PRR16: variants seen among roughly 807,000 people sequenced by gnomAD.
The protein encoded by PRR16 is proline rich 16.
Under a neutral mutation model 18.2 loss-of-function variants are expected in PRR16, and 6 were observed. The observed-to-expected ratio is 0.33, with a 90% CI of 0.18 to 0.65. PRR16 has a LOEUF of 0.65. Among genes scored for constraint, PRR16 ranks in the 30% least tolerant of loss-of-function variants. PRR16 has a pLI of 0.74. For synonymous variants in PRR16, 151 were observed against 147.8 expected (o/e 1.02, Z -0.16); for missense variants, 412 against 376.6 (o/e 1.09, Z -0.78).
intron 1 of PRR16, among the ~76,000 whole-genome samples, chr5:120,505,658 T>G (rs890399252): frequency 6.6e-6 from 1 of 152,182 alleles, no homozygotes; most frequent in African/African-American, 2.4e-5. Flanking sequence ...TACACTTTTA[T>G]TTTATAACAG....
At chr5:120,699,397 G>A in the PRR16 span, among the ~76,000 whole-genome samples, 2 of 152,094 alleles carry the variant, frequency 1.3e-5, no homozygotes, top group Admixed American at 1.3e-4. Flanking sequence ...GGGAAATGGG[G>A]TGAATGTCAG....
the PRR16 span, among the ~76,000 whole-genome samples, chr5:120,702,071 A>G: frequency 6.6e-6 from 1 of 152,164 alleles, no homozygotes; most frequent in South Asian, 2.1e-4. Context: ...AAGATTGCCC[A>G]TAGTGAGGGA....
At chr5:120,759,995 C>G in the PRR16 span, among the ~76,000 whole-genome samples, 1 of 152,066 alleles carries the variant, frequency 6.6e-6, no homozygotes, top group Non-Finnish European at 1.5e-5. Flanking sequence ...GTAAAAGGTG[C>G]TAATCTAAGT....
chr5:120,699,500 T>C, the PRR16 span, among the ~76,000 whole-genome samples: 1 of 152,022 alleles, frequency 6.6e-6, no homozygotes, highest in South Asian at 2.1e-4. Context: ...ACAACGGTAA[T>C]TGTGGGAGAG....
the PRR16 span, among the ~76,000 whole-genome samples, chr5:120,694,179 G>T: frequency 6.6e-6 from 1 of 152,118 alleles, no homozygotes; most frequent in African/African-American, 2.4e-5. Context: ...CGTGTTCTTT[G>T]TTAATATGGT....
intron 1 of PRR16, among the ~76,000 whole-genome samples, chr5:120,477,684 G>A (rs1040614685): frequency 5.3e-5 from 8 of 152,108 alleles, no homozygotes; most frequent in African/African-American, 1.7e-4. Context: ...TTTACTCAAA[G>A]TCAGAGCACT....
At chr5:120,498,155 GT>G (rs1229742686) in intron 1 of PRR16, among the ~76,000 whole-genome samples, 2 of 150,670 alleles carry the variant, frequency 1.3e-5, no homozygotes, top group Non-Finnish European at 3.0e-5. Flanking sequence ...ATTTTTAGAA[GT>G]TTATTTTTAC....
At chr5:120,732,381 C>T in the PRR16 span, among the ~76,000 whole-genome samples, 4 of 152,188 alleles carry the variant, frequency 2.6e-5, no homozygotes, top group East Asian at 5.8e-4. Context: ...GGTATGGATG[C>T]TGGTGCGGCT....
the PRR16 span, among the ~76,000 whole-genome samples, chr5:120,755,185 TATA>T: frequency 1.1e-3 from 173 of 151,698 alleles, 1 homozygote; most frequent in East Asian, 0.022. Context: ...AAACTTAGAG[TATA>T]ATAATAATAA....
intron 1 of PRR16, among the ~76,000 whole-genome samples, chr5:120,649,914 A>T (rs1211829957): frequency 6.6e-6 from 1 of 152,046 alleles, no homozygotes; most frequent in Non-Finnish European, 1.5e-5. Flanking sequence ...TATTTGTGAT[A>T]TTAACTCTGA....
chr5:120,625,094 A>T (rs778259590), intron 1 of PRR16, among the ~76,000 whole-genome samples: 30 of 152,278 alleles, frequency 2.0e-4, no homozygotes, highest in Middle Eastern at 3.4e-3. Flanking sequence ...ATGAAAATGG[A>T]CTAATACAGC....
intron 1 of PRR16, among the ~76,000 whole-genome samples, chr5:120,670,986 G>A (rs189062350): frequency 6.6e-6 from 1 of 152,164 alleles, no homozygotes; most frequent in East Asian, 1.9e-4. Context: ...CCACTCATTA[G>A]CATGGTGTTG....
intron 1 of PRR16, among the ~76,000 whole-genome samples, chr5:120,643,087 A>T (rs1755475269): frequency 6.6e-6 from 1 of 152,142 alleles, no homozygotes; most frequent in South Asian, 2.1e-4. Flanking sequence ...AAAATATTTG[A>T]CATAGTGATA....
Position 120,686,571 on chromosome 5 carries a change from T to G in PRR16, c.777T>G (p.Pro259=). ...PPLPPTPHLP[P]FPLENGGMGI... is the part of the protein sequence containing the mutation. ...TCCCTCCTACACCCCATCTCCCTCC[T>G]TTCCCACTAGAAAATGGGGGAATGG... Residue 259 remains proline, a synonymous_variant, in exon 2 of 2, where the codon CCT becomes CCG. Coordinates refer to ENST00000407149, the MANE Select transcript of PRR16 (RefSeq NM_001300783.2). 1 of 1,613,572 alleles carries G rather than the reference T, an allele frequency of 6.2e-7. No individual in the cohort carries two copies. The highest frequency in any genetic ancestry group is 8.5e-7 in the Non-Finnish European group (1 of 1,179,816).
chr5:120,696,254 C>T, the PRR16 span, among the ~76,000 whole-genome samples: 1 of 151,704 alleles, frequency 6.6e-6, no homozygotes, highest in East Asian at 1.9e-4. Flanking sequence ...AAAACAAAAA[C>T]AAAAAACCCA....
At chr5:120,622,722 C>T (rs1406150315) in intron 1 of PRR16, among the ~76,000 whole-genome samples, 2 of 152,000 alleles carry the variant, frequency 1.3e-5, no homozygotes, top group Non-Finnish European at 2.9e-5. Flanking sequence ...TATGATCCAC[C>T]CGCCTCAGCC....
intron 1 of PRR16, among the ~76,000 whole-genome samples, chr5:120,663,126 G>A (rs1756233677): frequency 6.6e-6 from 1 of 152,052 alleles, no homozygotes; most frequent in Non-Finnish European, 1.5e-5. Flanking sequence ...GAAAATGCGA[G>A]GGCTTTTGTT....
intron 1 of PRR16, among the ~76,000 whole-genome samples, chr5:120,627,783 G>A (rs981226417): frequency 6.6e-5 from 10 of 152,152 alleles, no homozygotes; most frequent in East Asian, 1.9e-4. Flanking sequence ...CTGAATGGCC[G>A]ATTTCCTAAT....
At chr5:120,684,392 T>A (rs1362598664) in intron 1 of PRR16, among the ~76,000 whole-genome samples, 1 of 152,132 alleles carries the variant, frequency 6.6e-6, no homozygotes, top group East Asian at 1.9e-4. Flanking sequence ...CTTTTGGTGT[T>A]TTCATTTTGA....
Sources: gnomAD v4.1 joint callset for allele counts (sites outside exome capture counted in the v4.1 genomes callset) on GRCh38, gnomAD v4.1.1 for gene constraint, MANE v1.5 for transcripts, NCBI Gene and HGNC (gene_info 2026-07-23, HGNC 2026-07-21) for gene names.